UGT8: variants seen among roughly 807,000 people sequenced by gnomAD.
The protein encoded by UGT8 is UDP glycosyltransferase 8, also known as 2-hydroxyacylsphingosine 1-beta-galactosyltransferase.
In UGT8, 12 loss-of-function variants were observed where a neutral mutation model predicts 40.5. That is an observed-to-expected ratio of 0.30 (90% CI 0.19 to 0.48). The LOEUF (loss-of-function observed/expected upper bound fraction) is 0.48. Ranked by LOEUF, UGT8 falls within the 20% of genes least tolerant of loss-of-function variation. UGT8 has a pLI of 0.99. For synonymous variants in UGT8, 224 were observed against 240.4 expected, an observed-to-expected ratio of 0.93 and a Z score of 0.63; for missense variants, 513 against 648.7, an observed-to-expected ratio of 0.79 and a Z score of 2.27.
chr4:114,657,404 G>A (rs1015874614), intron 2 of UGT8, among the ~76,000 whole-genome samples: 1 of 152,048 alleles, frequency 6.6e-6, no homozygotes, highest in Non-Finnish European at 1.5e-5. Context: ...TCATTCTCCT[G>A]AACTTTCACT....
At chr4:114,667,912 A>G (rs1193568316) in intron 4 of UGT8, 173 bp from the exon 5 acceptor site, 2 of 971,758 alleles carry the variant, frequency 2.1e-6, no homozygotes, top group East Asian at 1.1e-4. Context: ...ACAATTAGGT[A>G]TATAACAAAT....
At chr4:114,664,820 A>G (rs1477681100) in intron 3 of UGT8, among the ~76,000 whole-genome samples, 1 of 152,194 alleles carries the variant, frequency 6.6e-6, no homozygotes, top group African/African-American at 2.4e-5. Context: ...CTAGGGATAC[A>G]ACGTCGGTCC....
chr4:114,667,955 A>G, intron 4 of UGT8, 130 bp from the exon 5 acceptor site: 1 of 1,440,926 alleles, frequency 6.9e-7, no homozygotes, highest in Non-Finnish European at 9.1e-7. Flanking sequence ...AATCAGTGAA[A>G]TTACACCTTT....
At chr4:114,667,868 TA>T (rs1178050632) in intron 4 of UGT8, 1 of 888,606 alleles carries the variant, frequency 1.1e-6, no homozygotes, top group East Asian at 1.2e-4. Context: ...TTCAACTACT[TA>T]AAAATGGCTT....
At position 114,660,242 on chromosome 4, in the gene UGT8, AT is replaced by A. The variant is rs200316649; in HGVS notation, c.823-3752del. On this transcript the variant is annotated intron_variant, in intron 2 of 5. Transcript: ENST00000310836. ...ACAGTTATAAGAAAATTACAAAAAA[AT>A]AATATCTAAAGGGTAAATTCTAGGT... Among the ~76,000 whole-genome samples, 988 of 152,320 alleles carry A rather than the reference AT, an allele frequency of 6.5e-3. 5 individuals carry two copies. The highest frequency in any genetic ancestry group is 0.021 in the African/African-American group (879 of 41,578).
intron 4 of UGT8, 195 bp from the exon 5 acceptor site, chr4:114,667,890 T>C: frequency 2.1e-6 from 2 of 946,856 alleles, no homozygotes; most frequent in Non-Finnish European, 2.5e-6. Flanking sequence ...TTAATTGATA[T>C]ATCAAAATCT....
At chr4:114,674,542 GATATAATGGCTCTT>G (rs1035229946) in intron 5 of UGT8, among the ~76,000 whole-genome samples, 2 of 152,088 alleles carry the variant, frequency 1.3e-5, no homozygotes, top group African/African-American at 4.8e-5. Flanking sequence ...CTGTCTCCCT[GATATAATGGCTCTT>G]TGGTTCTAAG....
intron 1 of UGT8, chr4:114,619,431 A>G (rs1367181558): frequency 1.3e-5 from 2 of 152,060 alleles, no homozygotes; most frequent in East Asian, 1.9e-4. Context: ...AGTGAGAGTA[A>G]CACATGCGCA....
At chr4:114,666,779 T>A (rs528348097) in intron 4 of UGT8, among the ~76,000 whole-genome samples, 1 of 152,266 alleles carries the variant, frequency 6.6e-6, no homozygotes, top group South Asian at 2.1e-4. Flanking sequence ...GGTCCATGCC[T>A]GAAAACTCTC....
chr4:114,661,975 A>C (rs1475122843), intron 2 of UGT8, among the ~76,000 whole-genome samples: 1 of 152,206 alleles, frequency 6.6e-6, no homozygotes. Flanking sequence ...TAAAATTTTA[A>C]ATCATTCTGC....
In UGT8 at chr4:114,673,035, A is replaced by G. The variant is rs145913135; in HGVS notation, c.1263-2890A>G. Among the ~76,000 whole-genome samples, 1,146 of 152,326 alleles carry G rather than the reference A, an allele frequency of 7.5e-3. 18 individuals carry two copies. The highest frequency in any genetic ancestry group is 0.026 in the African/African-American group (1,091 of 41,582). ...TTCGCACATATCCAACCTGTGGTCA[A>G]CTTTTAATAGAAGATATTTATACTT... On this transcript the variant is annotated intron_variant, in intron 5 of 5. Coordinates refer to ENST00000310836, the MANE Select transcript of UGT8 (RefSeq NM_001128174.3).
At chr4:114,614,961 G>T (rs1017626659) in intron 1 of UGT8, among the ~76,000 whole-genome samples, 10 of 151,238 alleles carry the variant, frequency 6.6e-5, no homozygotes, top group African/African-American at 2.4e-4. Context: ...TGATTTTAGG[G>T]GATTCTTTGC....
At chr4:114,628,205 T>G (rs1732358387) in intron 2 of UGT8, among the ~76,000 whole-genome samples, 1 of 152,136 alleles carries the variant, frequency 6.6e-6, no homozygotes, top group African/African-American at 2.4e-5. Flanking sequence ...AGTGGCATGA[T>G]CTTGGCTCAC....
At chr4:114,599,440 T>C (rs1435174102) in intron 1 of UGT8, among the ~76,000 whole-genome samples, 3 of 152,110 alleles carry the variant, frequency 2.0e-5, no homozygotes, top group Non-Finnish European at 4.4e-5. Context: ...CTTCGGGACC[T>C]CTTCAACTCC....
At position 114,640,793 on chromosome 4, in the gene UGT8, A is replaced by G. The variant is rs536312153; in HGVS notation, c.822+17091A>G. On this transcript the variant is annotated intron_variant, in intron 2 of 5. Coordinates refer to ENST00000310836, the MANE Select transcript of UGT8 (RefSeq NM_001128174.3). The stretch of plus-strand genomic sequence containing the variant: ...AAAATCATCAGATCTTGTGAGACTT[A>G]TTCACTATCATGAGAACAGCACGGG... Among the ~76,000 whole-genome samples, 39 of 152,344 alleles carry G rather than the reference A, an allele frequency of 2.6e-4. No individual in the cohort carries two copies. In the South Asian group the frequency reaches 8.1e-3, roughly 32 times the overall value.
chr4:114,656,447 C>T (rs866233894), intron 2 of UGT8, among the ~76,000 whole-genome samples: 2 of 152,128 alleles, frequency 1.3e-5, no homozygotes, highest in Non-Finnish European at 2.9e-5. Flanking sequence ...AGGGAAACGA[C>T]AGTGTTATTT....
intron 2 of UGT8, among the ~76,000 whole-genome samples, chr4:114,655,678 T>C (rs923422143): frequency 1.3e-5 from 2 of 152,000 alleles, no homozygotes; most frequent in Non-Finnish European, 1.5e-5. Flanking sequence ...CTCCAAAACA[T>C]TGATATATAT....
At chr4:114,623,777 T>G (rs1723082629) in intron 2 of UGT8, 75 bp downstream of exon 2, 2 of 1,465,168 alleles carry the variant, frequency 1.4e-6, no homozygotes, top group Non-Finnish European at 1.8e-6. Flanking sequence ...GAGATATGAT[T>G]TGTTATTTAT....
intron 2 of UGT8, among the ~76,000 whole-genome samples, chr4:114,643,557 A>G (rs997826727): frequency 6.6e-6 from 1 of 152,190 alleles, no homozygotes; most frequent in African/African-American, 2.4e-5. Context: ...GTATTTCACA[A>G]ACAAAAGATA....
Sources: allele counts gnomAD v4.1 joint callset (sites outside exome capture counted in the v4.1 genomes callset), GRCh38; gene constraint gnomAD v4.1.1; transcripts MANE v1.5; gene names NCBI Gene and HGNC (gene_info 2026-07-23, HGNC 2026-07-21).